The following KCNH1 variants were observed in gnomAD, a reference collection of about 807,000 sequenced individuals.
The protein encoded by KCNH1 is potassium voltage-gated channel subfamily H member 1.
KCNH1 carries 27 observed loss-of-function variants against 69.2 expected under a neutral mutation model. That is an observed-to-expected ratio of 0.39 (90% CI 0.29 to 0.54). The LOEUF is 0.54. Among genes scored for constraint, KCNH1 ranks in the 20% least tolerant of loss-of-function variants. KCNH1 has a pLI of 0.68. For missense variants in KCNH1, 798 were observed against 1,261.6 expected, an observed-to-expected ratio of 0.63 and a Z score of 5.57; for synonymous variants, 456 against 487.7, an observed-to-expected ratio of 0.93 and a Z score of 0.86.
chr1:210,718,548 A>G lies in KCNH1; in HGVS notation c.2113-34410T>C, dbSNP rs1297846858. On this transcript the variant is annotated intron_variant, in intron 10 of 10. Transcript: ENST00000271751. ...ATATATAAAATATATACATATATGTATATATATAAAATATATACATATATT... is the reference window on the plus strand; with the variant it reads ...ATATATAAAATATATACATATATGTGTATATATAAAATATATACATATATT... 1.8e-5 allele frequency among the ~76,000 whole-genome samples: 2 copies of G among 113,874 alleles called. 1 individual carries two copies. Among genetic ancestry groups the G allele is most frequent in the Non-Finnish European group, 3.4e-5 (2 of 58,124 alleles). 74.7% of individuals were successfully genotyped at this position (113,874 alleles called of 152,430 possible).
intron 9 of KCNH1, among the ~76,000 whole-genome samples, chr1:210,780,158 G>A (rs1052627391): frequency 1.3e-5 from 2 of 152,158 alleles, no homozygotes; most frequent in African/African-American, 4.8e-5. Context: ...TTGAAGAGTG[G>A]CAGGGAAGCA....
chr1:210,834,854 C>T lies in KCNH1; in HGVS notation c.1463-30688G>A, dbSNP rs983822779. ...TATGAGCCAGGAAGTAGGCCTTCAC[C>T]AAATGCAGATTCTGATGGTGCCTAG... is the stretch of plus-strand genomic sequence containing the variant. On this transcript the variant is annotated intron_variant, in intron 7 of 10. Transcript: ENST00000271751. Among the ~76,000 whole-genome samples, 4 of 151,976 alleles carry T rather than the reference C, an allele frequency of 2.6e-5. No homozygotes were observed. The East Asian group carries it at 5.8e-4, about 22-fold the overall frequency.
chr1:211,073,007 T>C (rs1571625057), intron 5 of KCNH1, among the ~76,000 whole-genome samples: 2 of 152,166 alleles, frequency 1.3e-5, no homozygotes, highest in Admixed American at 6.5e-5. Context: ...AAGACACATA[T>C]TGATTAAAAA....
chr1:210,961,755 G>A (rs182448406), intron 6 of KCNH1, among the ~76,000 whole-genome samples: 259 of 151,862 alleles, frequency 1.7e-3, no homozygotes, highest in Non-Finnish European at 3.3e-3. Context: ...CAGGTGAATC[G>A]CTTGAACCTG....
chr1:211,033,020 AG>A (rs1486279089), intron 5 of KCNH1, among the ~76,000 whole-genome samples: 2 of 152,244 alleles, frequency 1.3e-5, no homozygotes, highest in Admixed American at 1.3e-4. Context: ...CATCTGACAA[AG>A]GGCTAATATC....
At chr1:211,131,092 C>T (rs145546745) in intron 1 of KCNH1, among the ~76,000 whole-genome samples, 2 of 152,102 alleles carry the variant, frequency 1.3e-5, no homozygotes, top group Non-Finnish European at 2.9e-5. Flanking sequence ...GGTTTGGGGC[C>T]TCATTAGTTC....
chr1:210,724,548 CATA>C (rs1682545410), intron 10 of KCNH1, among the ~76,000 whole-genome samples: 1 of 152,168 alleles, frequency 6.6e-6, no homozygotes, highest in African/African-American at 2.4e-5. Context: ...ATCCATTTGG[CATA>C]ATGTTTACTT....
intron 7 of KCNH1, among the ~76,000 whole-genome samples, chr1:210,855,749 A>T (rs966079730): frequency 6.6e-6 from 1 of 152,078 alleles, no homozygotes; most frequent in Admixed American, 6.5e-5. Flanking sequence ...AGTGCTGGTG[A>T]TGGCTTCACA....
At chr1:211,006,279 A>G (rs2102404562) in intron 6 of KCNH1, among the ~76,000 whole-genome samples, 1 of 152,318 alleles carries the variant, frequency 6.6e-6, no homozygotes, top group Admixed American at 6.5e-5. Context: ...TATGAATAAT[A>G]TTCATTTAAA....
chr1:211,088,890 G>C (rs551962520), intron 4 of KCNH1, among the ~76,000 whole-genome samples: 1 of 152,298 alleles, frequency 6.6e-6, no homozygotes, highest in South Asian at 2.1e-4. Flanking sequence ...ATTGAGGCAG[G>C]TTAAATGAAG....
chr1:210,797,827 A>G, intron 8 of KCNH1, 67 bp from the exon 9 acceptor site: 1 of 1,549,480 alleles, frequency 6.5e-7, no homozygotes, highest in Admixed American at 1.8e-5. Context: ...ATCCTTCAGC[A>G]CTCTAGGGGG....
At chr1:211,058,393 A>G (rs924990331) in intron 5 of KCNH1, among the ~76,000 whole-genome samples, 2 of 151,958 alleles carry the variant, frequency 1.3e-5, no homozygotes, top group African/African-American at 4.9e-5. Context: ...AAAAAATGGT[A>G]GCTATATTTT....
intron 10 of KCNH1, among the ~76,000 whole-genome samples, chr1:210,772,800 T>C (rs1179624993): frequency 6.6e-6 from 1 of 152,162 alleles, no homozygotes; most frequent in East Asian, 1.9e-4. Context: ...TTTTATACTG[T>C]GCCAAAATCT....
At chr1:210,950,359 T>G (rs1574356187) in intron 6 of KCNH1, among the ~76,000 whole-genome samples, 4 of 35,510 alleles carry the variant, frequency 1.1e-4, no homozygotes, top group Admixed American at 3.8e-4. Flanking sequence ...CCCAATGCTA[T>G]CCCTCCCCCC....
chr1:210,997,776 TCC>T (rs1249137461), intron 6 of KCNH1, among the ~76,000 whole-genome samples: 1 of 152,116 alleles, frequency 6.6e-6, no homozygotes, highest in Admixed American at 6.6e-5. Context: ...GATCGGGTTA[TCC>T]ACAAAGGGAA....
chr1:210,694,944 T>C (rs1681605959), intron 10 of KCNH1, among the ~76,000 whole-genome samples: 1 of 152,224 alleles, frequency 6.6e-6, no homozygotes, highest in Admixed American at 6.5e-5. Context: ...CCTGAGCTGA[T>C]CTGGGAAACA....
intron 5 of KCNH1, among the ~76,000 whole-genome samples, chr1:211,032,563 G>T (rs570134304): frequency 2.0e-5 from 3 of 152,294 alleles, no homozygotes; most frequent in South Asian, 2.1e-4. Context: ...CCAAAACAGA[G>T]ATATAGACTG....
At chr1:210,802,049 C>CT (rs1368715915) in intron 8 of KCNH1, among the ~76,000 whole-genome samples, 11 of 152,194 alleles carry the variant, frequency 7.2e-5, no homozygotes. Flanking sequence ...GCCTCTTGTG[C>CT]TTACCCCCTT....
chr1:211,115,588 G>A (rs570458591), intron 1 of KCNH1, among the ~76,000 whole-genome samples: 8 of 151,358 alleles, frequency 5.3e-5, no homozygotes, highest in East Asian at 3.9e-4. Context: ...CTCAAACATC[G>A]GTCTCCAAGT....
Sources: allele counts gnomAD v4.1 joint callset (sites outside exome capture counted in the v4.1 genomes callset), GRCh38; gene constraint gnomAD v4.1.1; transcripts MANE v1.5; gene names NCBI Gene and HGNC (gene_info 2026-07-23, HGNC 2026-07-21).